The following EBF1 variants were observed in gnomAD, a reference collection of about 807,000 sequenced individuals.
EBF1 encodes the protein transcription factor COE1.
Under a neutral mutation model 68.4 loss-of-function variants are expected in EBF1, and 10 were observed. The observed-to-expected ratio is 0.15, with a 90% CI of 0.09 to 0.25. The LOEUF is 0.25. Among genes scored for constraint, EBF1 ranks in the 10% least tolerant of loss-of-function variants. EBF1 has a pLI of 1.00. For synonymous variants in EBF1, 298 were observed against 299.8 expected (o/e 0.99, Z 0.06); for missense variants, 509 against 794.4 (o/e 0.64, Z 4.32).
chr5:158,911,432 A>C (rs909575276), intron 6 of EBF1, among the ~76,000 whole-genome samples: 2 of 152,056 alleles, frequency 1.3e-5, no homozygotes, highest in Non-Finnish European at 2.9e-5. Flanking sequence ...GAGACAATTA[A>C]CAAAAAATGT....
rs756645335 is a variant in EBF1 at position 158,796,471 on chromosome 5, A to T, written c.783T>A (p.Thr261=). Residue 261 remains threonine (T), a synonymous_variant, in exon 9 of 16, where the codon ACT becomes ACA. Transcript: ENST00000313708. ...EGTPSYLEHA[T]PCIKAISPSE... The stretch of plus-strand genomic sequence containing the variant: ...TCGGGCTGATGGCTTTGATACAGGG[A>T]GTAGCTGCTTTTCAACACACATGAA... The T allele has an allele frequency of 4.3e-6, 7 of 1,611,996 alleles. No homozygotes were observed. In the Admixed American group the frequency reaches 1.2e-4, roughly 27 times the overall value.
chr5:158,946,475 T>C (rs1292741787), intron 6 of EBF1, among the ~76,000 whole-genome samples: 1 of 152,128 alleles, frequency 6.6e-6, no homozygotes, highest in Non-Finnish European at 1.5e-5. Flanking sequence ...TTGCTGGGGG[T>C]CCACTCCAGA....
intron 9 of EBF1, among the ~76,000 whole-genome samples, chr5:158,786,958 A>G (rs1777570203): frequency 2.0e-5 from 3 of 152,216 alleles, no homozygotes; most frequent in Admixed American, 2.0e-4. Flanking sequence ...TTTACGATAC[A>G]GAGACTCACT....
intron 10 of EBF1, among the ~76,000 whole-genome samples, chr5:158,750,849 A>T (rs560115988): frequency 6.6e-6 from 1 of 152,248 alleles, no homozygotes; most frequent in African/African-American, 2.4e-5. Flanking sequence ...TATGGTTTTT[A>T]AAGCATCAAA....
chr5:159,015,956 G>A (rs1765545067), intron 6 of EBF1, among the ~76,000 whole-genome samples: 1 of 152,214 alleles, frequency 6.6e-6, no homozygotes, highest in African/African-American at 2.4e-5. Context: ...GCACCACTGA[G>A]CTGGACCAAA....
intron 11 of EBF1, among the ~76,000 whole-genome samples, chr5:158,716,850 G>A (rs1374258265): frequency 6.6e-6 from 1 of 152,180 alleles, no homozygotes; most frequent in Non-Finnish European, 1.5e-5. Context: ...ATGACGAGCA[G>A]GTCAGGAAAG....
At chr5:158,890,492 T>G (rs1247980115) in intron 6 of EBF1, among the ~76,000 whole-genome samples, 1 of 152,240 alleles carries the variant, frequency 6.6e-6, no homozygotes, top group African/African-American at 2.4e-5. Flanking sequence ...CAGACCTTTT[T>G]CCTGTCTGAA....
At chr5:159,069,306 A>T (rs957887928) in intron 6 of EBF1, among the ~76,000 whole-genome samples, 6 of 152,138 alleles carry the variant, frequency 3.9e-5, no homozygotes, top group Middle Eastern at 3.4e-3. Context: ...CATTTCATCA[A>T]TTGCACTAAT....
intron 8 of EBF1, among the ~76,000 whole-genome samples, chr5:158,807,754 G>C (rs1781863187): frequency 6.6e-6 from 1 of 152,082 alleles, no homozygotes. Flanking sequence ...TCCCCCAGTT[G>C]GCCTTTCTTT....
chr5:159,071,737 G>C (rs78783148), intron 6 of EBF1, among the ~76,000 whole-genome samples: 4 of 121,690 alleles, frequency 3.3e-5, no homozygotes, highest in Non-Finnish European at 7.1e-5. Context: ...ATTCACAAGC[G>C]AAAAAAAAAA....
chr5:159,076,408 A>T (rs1489744615), intron 5 of EBF1, among the ~76,000 whole-genome samples: 2 of 152,178 alleles, frequency 1.3e-5, no homozygotes, highest in Non-Finnish European at 2.9e-5. Context: ...ATGCCACACC[A>T]GGCCTGAGAT....
intron 6 of EBF1, among the ~76,000 whole-genome samples, chr5:159,070,330 T>C (rs1328602276): frequency 6.6e-6 from 1 of 152,204 alleles, no homozygotes; most frequent in Non-Finnish European, 1.5e-5. Flanking sequence ...TTGTCATGAT[T>C]GTAAAAAGAA....
chr5:158,852,907 T>C (rs1410262829), intron 6 of EBF1, among the ~76,000 whole-genome samples: 3 of 152,184 alleles, frequency 2.0e-5, no homozygotes. Context: ...ACTGAAAACA[T>C]AATTCTGAAA....
intron 11 of EBF1, among the ~76,000 whole-genome samples, chr5:158,715,290 C>T (rs1195747134): frequency 1.3e-5 from 2 of 152,176 alleles, no homozygotes; most frequent in Non-Finnish European, 2.9e-5. Flanking sequence ...AGAAGCAGTG[C>T]TGTTCAATTT....
At chr5:159,059,070 T>C (rs1160077036) in intron 6 of EBF1, among the ~76,000 whole-genome samples, 1 of 152,164 alleles carries the variant, frequency 6.6e-6, no homozygotes, top group Admixed American at 6.5e-5. Flanking sequence ...CTACAATATG[T>C]AGGTGGCAAC....
In EBF1 at chr5:158,811,951, A is replaced by T. The variant is rs1281480534; in HGVS notation, c.778+11225T>A. Among the ~76,000 whole-genome samples, 5 of 152,166 alleles carry T rather than the reference A, an allele frequency of 3.3e-5. No individual in the cohort carries two copies. In the East Asian group the frequency reaches 9.6e-4, roughly 29 times the overall value. On this transcript the variant is annotated intron_variant, in intron 8 of 15. Transcript: ENST00000313708. ...TTTAAAAGTTTCCCTGATTCTTCAG[A>T]CTTGGCTGAGTCCCCCAGTTCTAAG...
intron 10 of EBF1, among the ~76,000 whole-genome samples, chr5:158,755,788 A>T (rs1769941277): frequency 6.6e-6 from 1 of 152,098 alleles, no homozygotes; most frequent in African/African-American, 2.4e-5. Flanking sequence ...GGATTTGGGG[A>T]GAACCTCTAT....
At chr5:158,905,130 C>T (rs1358607576) in intron 6 of EBF1, among the ~76,000 whole-genome samples, 14 of 152,150 alleles carry the variant, frequency 9.2e-5, no homozygotes, top group Admixed American at 7.2e-4. Flanking sequence ...TAAGCTCAAG[C>T]GAAATGAGGA....
intron 10 of EBF1, among the ~76,000 whole-genome samples, chr5:158,750,195 A>G (rs1489891320): frequency 1.3e-5 from 2 of 152,180 alleles, no homozygotes; most frequent in East Asian, 3.8e-4. Flanking sequence ...CGTAGTTGTC[A>G]TTAAGCACCT....
Sources: gnomAD v4.1 joint callset for allele counts (sites outside exome capture counted in the v4.1 genomes callset) on GRCh38, gnomAD v4.1.1 for gene constraint, MANE v1.5 for transcripts, NCBI Gene and HGNC (gene_info 2026-07-23, HGNC 2026-07-21) for gene names.